The following PPP2R5E variants were observed in gnomAD, a reference collection of about 807,000 sequenced individuals.
PPP2R5E encodes the protein protein phosphatase 2 regulatory subunit B'epsilon.
In PPP2R5E, 4 loss-of-function variants were observed where a neutral mutation model predicts 65.3. That is an observed-to-expected ratio of 0.06 (90% CI 0.03 to 0.14). The LOEUF is 0.14. PPP2R5E is among the 10% of genes least tolerant of loss of function. The pLI, the probability that PPP2R5E is intolerant of heterozygous loss-of-function variation, is 1.00. For missense variants in PPP2R5E, 274 were observed against 556.1 expected, an observed-to-expected ratio of 0.49 and a Z score of 5.10; for synonymous variants, 183 against 187.4, an observed-to-expected ratio of 0.98 and a Z score of 0.19.
intron 5 of PPP2R5E, among the ~76,000 whole-genome samples, chr14:63,412,454 C>T (rs747009110): frequency 1.3e-5 from 2 of 152,156 alleles, no homozygotes; most frequent in East Asian, 1.9e-4. Flanking sequence ...AACTCTAAGC[C>T]GCACTGGGCT....
chr14:63,411,157 G>A (rs1219315603), intron 5 of PPP2R5E, among the ~76,000 whole-genome samples: 3 of 152,082 alleles, frequency 2.0e-5, no homozygotes, highest in Non-Finnish European at 2.9e-5. Flanking sequence ...AAAGTTACAA[G>A]GCCTATAGAT....
intron 2 of PPP2R5E, among the ~76,000 whole-genome samples, chr14:63,517,217 A>C (rs72716304): frequency 0.011 from 1,642 of 152,344 alleles, 16 homozygotes; most frequent in Non-Finnish European, 0.017. Context: ...AAAAAAATAA[A>C]AAATAAAAAT....
At chr14:63,435,024 T>C (rs6573516) in intron 3 of PPP2R5E, among the ~76,000 whole-genome samples, 36,789 of 151,844 alleles carry the variant, frequency 0.24, 7,144 homozygotes, top group African/African-American at 0.54. Context: ...TACAGGAGAG[T>C]ATGTTTACAT....
intron 3 of PPP2R5E, among the ~76,000 whole-genome samples, chr14:63,432,483 T>C (rs1887726194): frequency 6.6e-6 from 1 of 152,154 alleles, no homozygotes; most frequent in Non-Finnish European, 1.5e-5. Context: ...ACAATAGAAT[T>C]TGAATACAGA....
chr14:63,511,757 C>T (rs1255641), intron 2 of PPP2R5E, among the ~76,000 whole-genome samples: 36,796 of 151,964 alleles, frequency 0.24, 6,414 homozygotes, highest in African/African-American at 0.5. Flanking sequence ...TGATAGAGAG[C>T]TGAGTTCTCT....
intron 4 of PPP2R5E, among the ~76,000 whole-genome samples, chr14:63,415,752 T>A (rs1049043538): frequency 1.3e-5 from 2 of 152,184 alleles, no homozygotes; most frequent in African/African-American, 4.8e-5. Flanking sequence ...AATGAATAAT[T>A]CCATTATTCA....
intron 2 of PPP2R5E, among the ~76,000 whole-genome samples, chr14:63,531,985 C>A (rs1893458027): frequency 6.6e-6 from 1 of 151,744 alleles, no homozygotes; most frequent in African/African-American, 2.4e-5. Context: ...ATCTTAGATG[C>A]CTGAAGAACA....
At chr14:63,383,408 G>A (rs1402447410) in intron 12 of PPP2R5E, among the ~76,000 whole-genome samples, 1 of 152,104 alleles carries the variant, frequency 6.6e-6, no homozygotes. Context: ...GTTCTTTTCT[G>A]TTAAGGTTCC....
chr14:63,446,566 ACG>A (rs1888486851), intron 3 of PPP2R5E, among the ~76,000 whole-genome samples: 1 of 152,174 alleles, frequency 6.6e-6, no homozygotes, highest in Non-Finnish European at 1.5e-5. Flanking sequence ...ACGGTGGCTC[ACG>A]CCTGTAATTC....
rs142647334 is a variant in PPP2R5E at position 63,408,477 on chromosome 14, C to A, written c.549+6663G>T. On this transcript the variant is annotated intron_variant, in intron 5 of 13. Coordinates refer to ENST00000337537, the MANE Select transcript of PPP2R5E (RefSeq NM_006246.5). ...TCAGCAGGGTCATCTCCACCTAAGG[C>A]GCTATTATGTTCCATTCTACTGTTC... Among the ~76,000 whole-genome samples, 5 of 152,228 alleles carry A rather than the reference C, an allele frequency of 3.3e-5. No homozygotes were observed. In the East Asian group the frequency reaches 9.6e-4, roughly 29 times the overall value.
At chr14:63,400,008 C>T (rs1474865567) in intron 5 of PPP2R5E, among the ~76,000 whole-genome samples, 1 of 152,088 alleles carries the variant, frequency 6.6e-6, no homozygotes, top group African/African-American at 2.4e-5. Context: ...AAAAAAGGCC[C>T]CTCAAACATG....
intron 2 of PPP2R5E, among the ~76,000 whole-genome samples, chr14:63,480,901 A>G (rs992133931): frequency 3.3e-5 from 5 of 152,234 alleles, no homozygotes; most frequent in Non-Finnish European, 7.3e-5. Context: ...CCCAAACCTT[A>G]GCACAGCTCA....
At chr14:63,403,165 G>A (rs140978596) in intron 5 of PPP2R5E, among the ~76,000 whole-genome samples, 216 of 152,174 alleles carry the variant, frequency 1.4e-3, no homozygotes, top group Middle Eastern at 6.8e-3. Flanking sequence ...AGTGGCTCAC[G>A]CCTGTAATCC....
At chr14:63,499,007 C>G (rs1195833478) in intron 2 of PPP2R5E, among the ~76,000 whole-genome samples, 1 of 151,908 alleles carries the variant, frequency 6.6e-6, no homozygotes, top group African/African-American at 2.4e-5. Context: ...ACTGTATTTC[C>G]AAATTTAAAA....
intron 4 of PPP2R5E, among the ~76,000 whole-genome samples, chr14:63,416,025 T>C (rs902060188): frequency 6.6e-6 from 1 of 152,228 alleles, no homozygotes; most frequent in Admixed American, 6.5e-5. Flanking sequence ...TGTGGCACAA[T>C]ATACCCATCT....
At chr14:63,450,487 A>G (rs2139465490) in intron 3 of PPP2R5E, among the ~76,000 whole-genome samples, 1 of 152,336 alleles carries the variant, frequency 6.6e-6, no homozygotes. Flanking sequence ...TTAGGAGACC[A>G]AAGCTGGTTT....
intron 3 of PPP2R5E, chr14:63,452,263 G>C (rs1344360159): frequency 1.3e-5 from 2 of 152,228 alleles, no homozygotes; most frequent in Non-Finnish European, 2.9e-5. Context: ...CTCTGCAGAA[G>C]GCAGGTAGAC....
At chr14:63,502,849 C>G (rs1031945335) in intron 2 of PPP2R5E, among the ~76,000 whole-genome samples, 2 of 151,998 alleles carry the variant, frequency 1.3e-5, no homozygotes, top group Non-Finnish European at 2.9e-5. Context: ...ATAACTAGGC[C>G]GGGTGCAATG....
intron 5 of PPP2R5E, among the ~76,000 whole-genome samples, chr14:63,398,124 G>A (rs151154534): frequency 1.3e-5 from 2 of 152,282 alleles, no homozygotes; most frequent in African/African-American, 4.8e-5. Context: ...TGAGGTCCAC[G>A]CAACTAGTCC....
Sources: gnomAD v4.1 joint callset for allele counts (sites outside exome capture counted in the v4.1 genomes callset) on GRCh38, gnomAD v4.1.1 for gene constraint, MANE v1.5 for transcripts, NCBI Gene and HGNC (gene_info 2026-07-23, HGNC 2026-07-21) for gene names.